Variants in TYW1 observed in about 807,000 individuals in gnomAD.
TYW1 encodes S-adenosyl-L-methionine-dependent tRNA 4-demethylwyosine synthase TYW1.
TYW1 carries 46 observed loss-of-function variants against 96.2 expected under a neutral mutation model. The observed-to-expected ratio is 0.48, with a 90% CI of 0.38 to 0.61. The LOEUF (loss-of-function observed/expected upper bound fraction) is 0.61. TYW1 is among the 20% of genes least tolerant of loss of function. The pLI is 0.00. For missense variants in TYW1, 684 were observed against 909.6 expected (o/e 0.75, Z 3.19); for synonymous variants, 274 against 323.0 (o/e 0.85, Z 1.63).
chr7:67,198,878 T>TC (rs1193619442), intron 15 of TYW1, among the ~76,000 whole-genome samples: 1 of 152,072 alleles, frequency 6.6e-6, no homozygotes, highest in Non-Finnish European at 1.5e-5. Context: ...AGAATACAGT[T>TC]CCCCCCTTCC....
chr7:66,997,494 TC>T (rs1793215867), intron 1 of TYW1, among the ~76,000 whole-genome samples: 1 of 152,274 alleles, frequency 6.6e-6, no homozygotes, highest in South Asian at 2.1e-4. Context: ...TACTTTGTGT[TC>T]CTTCTCTTGC....
chr7:67,094,908 G>A (rs1409201998), intron 11 of TYW1, among the ~76,000 whole-genome samples: 6 of 152,082 alleles, frequency 3.9e-5, no homozygotes, highest in Non-Finnish European at 7.4e-5. Context: ...GTTGTACAGG[G>A]GATCAAGGCC....
intron 10 of TYW1, among the ~76,000 whole-genome samples, chr7:67,080,152 A>G (rs1021841542): frequency 6.6e-6 from 1 of 152,292 alleles, no homozygotes; most frequent in African/African-American, 2.4e-5. Context: ...GATCTGTCCA[A>G]TTCTGAGAGA....
At chr7:67,157,024 C>T in intron 13 of TYW1, among the ~76,000 whole-genome samples, 1 of 152,154 alleles carries the variant, frequency 6.6e-6, no homozygotes, top group South Asian at 2.1e-4. Context: ...GCCAAAAACC[C>T]CATATTGTCT....
chr7:67,210,141 G>A (rs1193901584), intron 15 of TYW1, among the ~76,000 whole-genome samples: 1 of 151,980 alleles, frequency 6.6e-6, no homozygotes, highest in Non-Finnish European at 1.5e-5. Context: ...TTCTCTTTAG[G>A]CTCCTCTTGG....
intron 13 of TYW1, among the ~76,000 whole-genome samples, chr7:67,148,477 G>C (rs1178199198): frequency 6.8e-6 from 1 of 146,484 alleles, no homozygotes; most frequent in Non-Finnish European, 1.5e-5. Flanking sequence ...CCAGGCTGGA[G>C]TGCAGTGGCG....
At chr7:67,231,818 A>C (rs928823494) in intron 15 of TYW1, among the ~76,000 whole-genome samples, 7 of 149,300 alleles carry the variant, frequency 4.7e-5, no homozygotes, top group Non-Finnish European at 8.9e-5. Flanking sequence ...TAACATTTCC[A>C]GAATTATTTC....
At chr7:67,014,635 A>C in intron 5 of TYW1, 74 bp downstream of exon 5, 1 of 1,507,156 alleles carries the variant, frequency 6.6e-7, no homozygotes, top group Admixed American at 2.1e-5. Flanking sequence ...GTAAACACAC[A>C]CACGTGCACA....
chr7:67,001,719 C>G (rs1793399407), intron 3 of TYW1, among the ~76,000 whole-genome samples: 1 of 150,516 alleles, frequency 6.6e-6, no homozygotes. Flanking sequence ...CGCGCCCAGC[C>G]TTTATTTTTA....
intron 7 of TYW1, among the ~76,000 whole-genome samples, chr7:67,035,280 A>G (rs1477288888): frequency 6.6e-6 from 1 of 151,900 alleles, no homozygotes; most frequent in Non-Finnish European, 1.5e-5. Flanking sequence ...CACCATGCAC[A>G]ACTAATTTGT....
chr7:67,204,045 T>A (rs1800689253), intron 15 of TYW1, among the ~76,000 whole-genome samples: 1 of 152,244 alleles, frequency 6.6e-6, no homozygotes, highest in South Asian at 2.1e-4. Flanking sequence ...TATTCAGGTC[T>A]TGAGTTTTCA....
At chr7:67,171,548 A>G (rs1475146332) in intron 13 of TYW1, among the ~76,000 whole-genome samples, 2 of 152,056 alleles carry the variant, frequency 1.3e-5, no homozygotes, top group Non-Finnish European at 2.9e-5. Flanking sequence ...TTTGTCTTAT[A>G]TTATTGGTTA....
intron 13 of TYW1, among the ~76,000 whole-genome samples, chr7:67,146,478 A>AC (rs59145081): frequency 4.0e-5 from 6 of 148,488 alleles, no homozygotes; most frequent in African/African-American, 1.0e-4. Flanking sequence ...TGAAAAATAA[A>AC]AATATAACAT....
chr7:67,230,745 C>T (rs1309580585), intron 15 of TYW1, among the ~76,000 whole-genome samples: 15 of 150,354 alleles, frequency 1.0e-4, no homozygotes, highest in Admixed American at 8.7e-4. Flanking sequence ...CTCTACCTCC[C>T]GGGTTCAACC....
intron 12 of TYW1, among the ~76,000 whole-genome samples, chr7:67,114,769 C>T (rs1797538626): frequency 6.6e-6 from 1 of 152,098 alleles, no homozygotes; most frequent in Admixed American, 6.6e-5. Context: ...GAATAGAGAC[C>T]AGTGTGAGGC....
chr7:67,178,170 GA>G (rs923995010), intron 13 of TYW1, among the ~76,000 whole-genome samples: 2 of 133,664 alleles, frequency 1.5e-5, no homozygotes, highest in East Asian at 2.0e-4. Flanking sequence ...TCTCAAGCCA[GA>G]AAAAAAAACA....
chr7:67,024,554 G>A (rs1487219969), intron 6 of TYW1, among the ~76,000 whole-genome samples: 11 of 152,122 alleles, frequency 7.2e-5, no homozygotes. Context: ...GCTGAGGTGG[G>A]TGGATTACCT....
At chr7:67,007,211 T>C (rs11766656) in intron 3 of TYW1, among the ~76,000 whole-genome samples, 58,905 of 151,840 alleles carry the variant, frequency 0.39, 11,883 homozygotes, top group Middle Eastern at 0.53. Flanking sequence ...TCTTCATTTA[T>C]ATAGGGTGTA....
chr7:67,140,181 A>G (rs1191905503), intron 13 of TYW1, among the ~76,000 whole-genome samples: 4 of 152,178 alleles, frequency 2.6e-5, no homozygotes, highest in Non-Finnish European at 4.4e-5. Flanking sequence ...CACTTGCCCC[A>G]TGATTCAGTT....
Sources: gnomAD v4.1 joint callset for allele counts (sites outside exome capture counted in the v4.1 genomes callset) on GRCh38, gnomAD v4.1.1 for gene constraint, MANE v1.5 for transcripts, NCBI Gene and HGNC (gene_info 2026-07-23, HGNC 2026-07-21) for gene names.